STAU1: variants seen among roughly 807,000 people sequenced by gnomAD.
The protein encoded by STAU1 is staufen double-stranded RNA binding protein 1, also known as double-stranded RNA-binding protein Staufen homolog 1.
STAU1 carries 13 observed loss-of-function variants against 62.9 expected under a neutral mutation model. The ratio of observed to expected loss-of-function variants is 0.21; its 90% CI spans 0.13 to 0.33. The LOEUF (loss-of-function observed/expected upper bound fraction) is 0.33. Among genes scored for constraint, STAU1 ranks in the 10% least tolerant of loss-of-function variants. STAU1 has a pLI of 1.00. For synonymous variants in STAU1, 269 were observed against 265.1 expected, an observed-to-expected ratio of 1.01 and a Z score of -0.14; for missense variants, 571 against 712.1, an observed-to-expected ratio of 0.80 and a Z score of 2.25.
Position 49,120,070 on chromosome 20 carries a change from C to A in STAU1, c.1025G>T (p.Arg342Leu). Residue 342 changes from arginine to leucine, a missense_variant, in exon 9 of 14, where the codon CGC becomes CTC. Arg to Leu is a moderately radical substitution (Grantham distance 102). Transcript: ENST00000371856. ...CTCCAGCATGTTCTCGGCTGCATTGCGCTTGGCCACCTTCTTGTTGGTGCC... is the reference window on the plus strand; with the variant it reads ...CTCCAGCATGTTCTCGGCTGCATTGAGCTTGGCCACCTTCTTGTTGGTGCC... ...GTGTNKKVAK[R>L]NAAENMLEIL... The A allele has an allele frequency of 6.2e-7, 1 of 1,614,194 alleles. No individual in the cohort carries two copies. Among genetic ancestry groups the A allele is most frequent in the Non-Finnish European group, 8.5e-7 (1 of 1,180,024 alleles).
intron 1 of STAU1, among the ~76,000 whole-genome samples, chr20:49,175,037 T>TCC (rs896658996): frequency 6.6e-6 from 1 of 151,940 alleles, no homozygotes; most frequent in Non-Finnish European, 1.5e-5. Flanking sequence ...ACACCTGTAG[T>TCC]CCCAGCTACT....
intron 5 of STAU1, among the ~76,000 whole-genome samples, chr20:49,143,847 T>C (rs929149861): frequency 6.6e-6 from 1 of 152,154 alleles, no homozygotes; most frequent in Non-Finnish European, 1.5e-5. Flanking sequence ...TTGGAAGGCA[T>C]ATATACCTGA....
Position 49,117,789 on chromosome 20 carries a change from G to C in STAU1, c.1497C>G (p.Val499=). 1 of 1,610,566 alleles carries C rather than the reference G, an allele frequency of 6.2e-7. No individual in the cohort carries two copies. The highest frequency in any genetic ancestry group is 1.3e-5 in the African/African-American group (1 of 75,000). Residue 499 remains valine (V), a synonymous_variant, in exon 11 of 14, where the codon GTC becomes GTG. Coordinates refer to ENST00000371856, the MANE Select transcript of STAU1 (RefSeq NM_017453.4). This position sits in a 1 kb window ranked among gnomAD's most constrained non-coding sequence, Gnocchi z 4.6. ...PSEQLDYLSR[V]QGFQVEYKDF... Reference sequence around the variant, plus strand: ...GCCAGACAGTTACCTGGAATCCCTGGACTCTGGAAAGATAGTCCAGTTGCT... The same window carrying C: ...GCCAGACAGTTACCTGGAATCCCTGCACTCTGGAAAGATAGTCCAGTTGCT...
chr20:49,173,744 T>C (rs1344737552), intron 2 of STAU1, among the ~76,000 whole-genome samples: 1 of 152,238 alleles, frequency 6.6e-6, no homozygotes, highest in Non-Finnish European at 1.5e-5. Flanking sequence ...CTTTTTTATC[T>C]GAATGTTCAC....
At chr20:49,207,316 C>A in the STAU1 span, among the ~76,000 whole-genome samples, 1 of 151,920 alleles carries the variant, frequency 6.6e-6, no homozygotes, top group Admixed American at 6.6e-5. Flanking sequence ...ACTTTTCTCT[C>A]GCCTCCACTG....
chr20:49,129,428 C>A (rs2145953801), intron 6 of STAU1, among the ~76,000 whole-genome samples: 1 of 151,320 alleles, frequency 6.6e-6, no homozygotes, highest in South Asian at 2.1e-4. Context: ...CCTGGGACTA[C>A]AGGTGCACAC....
chr20:49,135,812 C>T (rs779429468), intron 6 of STAU1, 21 bp downstream of exon 6: 2 of 1,585,416 alleles, frequency 1.3e-6, no homozygotes, highest in African/African-American at 2.7e-5. Context: ...ATACAAAGTC[C>T]TACATGTAAA....
intron 1 of STAU1, among the ~76,000 whole-genome samples, chr20:49,176,116 G>A (rs143694865): frequency 6.6e-6 from 1 of 152,206 alleles, no homozygotes; most frequent in East Asian, 1.9e-4. Flanking sequence ...AAAAGGAACT[G>A]TACATTACAT....
intron 3 of STAU1, among the ~76,000 whole-genome samples, chr20:49,160,732 T>C (rs897013459): frequency 1.4e-4 from 22 of 152,256 alleles, no homozygotes; most frequent in African/African-American, 5.3e-4. Context: ...CAATACAAAA[T>C]ACTCACTTTG....
the STAU1 span, among the ~76,000 whole-genome samples, chr20:49,204,610 ATATATATATATATG>A: frequency 5.2e-4 from 34 of 65,282 alleles, 1 homozygote; most frequent in South Asian, 6.8e-4. Flanking sequence ...ATATATATAT[ATATATATATATATG>A]TGTATATATA....
At chr20:49,147,738 C>T (rs35888516) in intron 5 of STAU1, among the ~76,000 whole-genome samples, 32,556 of 152,146 alleles carry the variant, frequency 0.21, 3,582 homozygotes, top group Non-Finnish European at 0.24. Flanking sequence ...AGTGCATTCA[C>T]ATAGTGGAAC....
At chr20:49,167,448 G>A (rs2146407486) in intron 2 of STAU1, among the ~76,000 whole-genome samples, 1 of 152,294 alleles carries the variant, frequency 6.6e-6, no homozygotes, top group African/African-American at 2.4e-5. Context: ...CTCTTACTGA[G>A]AGCAAAAAGG....
chr20:49,118,171 A>G, intron 10 of STAU1, 75 bp from the exon 11 acceptor site: 1 of 1,476,396 alleles, frequency 6.8e-7, no homozygotes, highest in Non-Finnish European at 9.4e-7. Context: ...ATCAAACCCC[A>G]CGCTGGCCCT....
rs1008700211 is a variant in STAU1, at chr20:49,117,966, G to A, written c.1320C>T (p.Thr440=). 1 of 1,614,174 alleles carries A rather than the reference G, an allele frequency of 6.2e-7. No individual in the cohort carries two copies. The change falls in exon 11 of 14, where the codon ACC becomes ACT. Residue 440 remains threonine (T), a synonymous_variant. Coordinates refer to ENST00000371856, the MANE Select transcript of STAU1 (RefSeq NM_017453.4). The surrounding 1 kb of genome is among the most constrained non-coding windows in gnomAD (Gnocchi z 4.6). The stretch of plus-strand genomic sequence containing the variant: ...CCTTGGCAGGATTCGGAGCTGCCCT[G>A]GTAAAATCTTTGGTGTGATGTCCTT... ...VSQGHHTKDF[T]RAAPNPAKAT...
chr20:49,158,593 T>C, intron 3 of STAU1: 1 of 1,032,618 alleles, frequency 9.7e-7, no homozygotes, highest in Non-Finnish European at 1.3e-6. Context: ...GCAGATCACT[T>C]GAGGTCAGGA....
chr20:49,188,241 G>A lies in STAU1; in HGVS notation c.-285C>T, dbSNP rs1223951673. 1 of 135,594 alleles carries A rather than the reference G, an allele frequency of 7.4e-6. No individual in the cohort carries two copies. The highest frequency in any genetic ancestry group is 1.6e-5 in the Non-Finnish European group (1 of 63,486). The allele number at this position is 135,594 out of a possible 1,614,324, so 8.4% of individuals were successfully genotyped here. On this transcript the variant is annotated 5_prime_UTR_variant, in exon 1 of 14. Coordinates refer to ENST00000371856, the MANE Select transcript of STAU1 (RefSeq NM_017453.4). ...GGGAGGGAAGAGGCGGAGTGGCCGT[G>A]GAGGAGGCGGGCGCCGCCGGGCCGG...
At chr20:49,124,644 G>T in intron 6 of STAU1, 57 bp from the exon 7 acceptor site, 1 of 1,577,902 alleles carries the variant, frequency 6.3e-7, no homozygotes, top group Admixed American at 1.7e-5. Flanking sequence ...AAAGCTCCAA[G>T]GCACACTGGC....
intron 3 of STAU1, among the ~76,000 whole-genome samples, chr20:49,155,663 C>T (rs894644009): frequency 6.6e-6 from 1 of 152,148 alleles, no homozygotes; most frequent in Non-Finnish European, 1.5e-5. Context: ...ATAAGAATAT[C>T]TTTGGGGTTT....
At chr20:49,199,228 C>T in the STAU1 span, among the ~76,000 whole-genome samples, 1 of 151,812 alleles carries the variant, frequency 6.6e-6, no homozygotes, top group Non-Finnish European at 1.5e-5. Flanking sequence ...TACCATCACG[C>T]CTGGCTGATT....
Sources: gnomAD v4.1 joint callset for allele counts (sites outside exome capture counted in the v4.1 genomes callset) on GRCh38, gnomAD v4.1.1 for gene constraint, Gnocchi (gnomAD v3.1) non-coding constraint, MANE v1.5 for transcripts, NCBI Gene and HGNC (gene_info 2026-07-23, HGNC 2026-07-21) for gene names.